KCNB2: variants seen among roughly 807,000 people sequenced by gnomAD.
KCNB2 encodes potassium voltage-gated channel subfamily B member 2, also known as delayed rectifier potassium channel protein.
Under a neutral mutation model 61.5 loss-of-function variants are expected in KCNB2, and 15 were observed. That is an observed-to-expected ratio of 0.24 (90% CI 0.16 to 0.38). The LOEUF is 0.38. Ranked by LOEUF, KCNB2 falls within the 10% of genes least tolerant of loss-of-function variation. KCNB2 has a pLI of 1.00. For synonymous variants in KCNB2, 457 were observed against 446.0 expected (o/e 1.02, Z -0.31); for missense variants, 828 against 1,125.2 (o/e 0.74, Z 3.78).
At chr8:72,821,245 G>A (rs752179039) in intron 2 of KCNB2, among the ~76,000 whole-genome samples, 6 of 152,120 alleles carry the variant, frequency 3.9e-5, no homozygotes, top group Non-Finnish European at 8.8e-5. Flanking sequence ...GCCCAGGGGA[G>A]TCTGATCTGC....
intron 2 of KCNB2, among the ~76,000 whole-genome samples, chr8:72,767,863 C>T (rs1404684782): frequency 6.6e-6 from 1 of 152,208 alleles, no homozygotes; most frequent in Non-Finnish European, 1.5e-5. Flanking sequence ...TTTCTCCACA[C>T]CCTTGCCAAC....
At chr8:72,714,092 T>C (rs4492423) in intron 2 of KCNB2, among the ~76,000 whole-genome samples, 110,055 of 152,044 alleles carry the variant, frequency 0.72, 41,090 homozygotes, top group African/African-American at 0.9. Context: ...AAATGAAGCG[T>C]GAAGAAAAGT....
intron 2 of KCNB2, among the ~76,000 whole-genome samples, chr8:72,670,030 A>G (rs1806537550): frequency 1.3e-5 from 2 of 152,210 alleles, no homozygotes; most frequent in South Asian, 4.1e-4. Flanking sequence ...GCTTGACTAC[A>G]GATCACTGAG....
intron 2 of KCNB2, among the ~76,000 whole-genome samples, chr8:72,588,027 T>C (rs547858322): frequency 6.9e-6 from 1 of 145,354 alleles, no homozygotes; most frequent in Non-Finnish European, 1.5e-5. Flanking sequence ...GTGGAACACA[T>C]TTACTGAAAA....
Position 72,867,562 on chromosome 8 carries a change from T to G in KCNB2, c.580-68373T>G, listed in dbSNP as rs189725285. Among the ~76,000 whole-genome samples, 228 of 152,332 alleles carry G rather than the reference T, an allele frequency of 1.5e-3. 1 individual carries two copies. Among genetic ancestry groups the G allele is most frequent in the African/African-American group, 5.0e-3 (209 of 41,570 alleles). On this transcript the variant is annotated intron_variant, in intron 2 of 2. Coordinates refer to ENST00000523207, the MANE Select transcript of KCNB2 (RefSeq NM_004770.3). The stretch of plus-strand genomic sequence containing the variant: ...AACAATGGCTCTTGTTTAAATTTAG[T>G]CAAATGAGTGTGTGATCTATAGACC...
At chr8:72,756,080 C>T (rs546497504) in intron 2 of KCNB2, among the ~76,000 whole-genome samples, 1 of 152,238 alleles carries the variant, frequency 6.6e-6, no homozygotes, top group Non-Finnish European at 1.5e-5. Flanking sequence ...TCTGTATAAG[C>T]CTCATGTGCC....
chr8:72,676,888 T>C (rs775184017), intron 2 of KCNB2, among the ~76,000 whole-genome samples: 9 of 152,124 alleles, frequency 5.9e-5, no homozygotes, highest in Non-Finnish European at 1.0e-4. Flanking sequence ...CCACTTTATA[T>C]TGGATCCTAT....
intron 2 of KCNB2, among the ~76,000 whole-genome samples, chr8:72,694,824 CAG>C (rs1015352131): frequency 6.6e-6 from 1 of 151,290 alleles, no homozygotes; most frequent in Admixed American, 6.6e-5. Context: ...ATAAAACAAA[CAG>C]TAATAAATTA....
chr8:72,729,569 T>A (rs949950804), intron 2 of KCNB2, among the ~76,000 whole-genome samples: 2 of 152,148 alleles, frequency 1.3e-5, no homozygotes, highest in African/African-American at 4.8e-5. Flanking sequence ...TTGACAATGT[T>A]CACAACTCCA....
chr8:72,655,351 G>T (rs898572843), intron 2 of KCNB2, among the ~76,000 whole-genome samples: 9 of 152,112 alleles, frequency 5.9e-5, no homozygotes, highest in African/African-American at 1.7e-4. Context: ...GGGTACTATG[G>T]TTATTACCTG....
intron 2 of KCNB2, among the ~76,000 whole-genome samples, chr8:72,696,030 A>T (rs528714338): frequency 2.9e-4 from 44 of 152,342 alleles, no homozygotes; most frequent in African/African-American, 1.0e-3. Flanking sequence ...ATTTTCCTAA[A>T]GCGATTTAGT....
intron 2 of KCNB2, among the ~76,000 whole-genome samples, chr8:72,714,093 G>A (rs767852564): frequency 1.3e-5 from 2 of 152,246 alleles, no homozygotes; most frequent in African/African-American, 4.8e-5. Flanking sequence ...AATGAAGCGT[G>A]AAGAAAAGTT....
rs116187307 is a variant in KCNB2 at position 72,602,718 on chromosome 8, G to A, written c.579+34405G>A. The stretch of plus-strand genomic sequence containing the variant: ...TTTCAGTTGACTTTCCACTGAAGTC[G>A]GCTGGTTGAATTCAGCTGACAGTTG... On this transcript the variant is annotated intron_variant, in intron 2 of 2. Coordinates refer to ENST00000523207, the MANE Select transcript of KCNB2 (RefSeq NM_004770.3). 3.3e-3 allele frequency among the ~76,000 whole-genome samples: 495 copies of A among 152,226 alleles called. 3 individuals are homozygous for A. Among genetic ancestry groups the A allele is most frequent in the African/African-American group, 0.012 (483 of 41,538 alleles).
chr8:72,698,739 A>G (rs1807062069), intron 2 of KCNB2, among the ~76,000 whole-genome samples: 1 of 152,190 alleles, frequency 6.6e-6, no homozygotes, highest in African/African-American at 2.4e-5. Flanking sequence ...TCTTCAACAA[A>G]GTCAACAAAA....
intron 2 of KCNB2, among the ~76,000 whole-genome samples, chr8:72,683,015 G>A (rs1806787899): frequency 6.6e-6 from 1 of 152,196 alleles, no homozygotes; most frequent in African/African-American, 2.4e-5. Context: ...TGTTTATCGT[G>A]TATCTATATA....
At chr8:72,737,205 C>T (rs1442952488) in intron 2 of KCNB2, among the ~76,000 whole-genome samples, 1 of 152,088 alleles carries the variant, frequency 6.6e-6, no homozygotes, top group Admixed American at 6.6e-5. Flanking sequence ...TTAACATAAG[C>T]TTGGATTATA....
chr8:72,737,594 G>A (rs143356885), intron 2 of KCNB2, among the ~76,000 whole-genome samples: 12 of 152,288 alleles, frequency 7.9e-5, no homozygotes, highest in African/African-American at 2.6e-4. Context: ...TGGCAGCATG[G>A]AAGACATCAT....
At chr8:72,853,695 A>G (rs943370326) in intron 2 of KCNB2, among the ~76,000 whole-genome samples, 6 of 152,218 alleles carry the variant, frequency 3.9e-5, no homozygotes, top group Admixed American at 3.3e-4. Flanking sequence ...GCCATCTTCA[A>G]TGTTATTACT....
intron 2 of KCNB2, among the ~76,000 whole-genome samples, chr8:72,733,001 AC>A (rs1202805625): frequency 5.9e-5 from 9 of 152,144 alleles, no homozygotes; most frequent in Non-Finnish European, 1.0e-4. Context: ...AAAAAAAAAA[AC>A]AGAACAGATA....
Sources: allele counts gnomAD v4.1 joint callset (sites outside exome capture counted in the v4.1 genomes callset), GRCh38; gene constraint gnomAD v4.1.1; transcripts MANE v1.5; gene names NCBI Gene and HGNC (gene_info 2026-07-23, HGNC 2026-07-21).